EPB41L4A: variants seen among roughly 807,000 people sequenced by gnomAD.
EPB41L4A encodes the protein erythrocyte membrane protein band 4.1 like 4A.
Under a neutral mutation model 108.6 loss-of-function variants are expected in EPB41L4A, and 100 were observed. The observed-to-expected ratio is 0.92, with a 90% CI of 0.78 to 1.09. The LOEUF (loss-of-function observed/expected upper bound fraction) is 1.09. Among genes scored for constraint, EPB41L4A ranks in the 50% least tolerant of loss-of-function variants. The pLI, the probability that EPB41L4A is intolerant of heterozygous loss-of-function variation, is 0.00. For missense variants in EPB41L4A, 1,030 were observed against 842.7 expected, an observed-to-expected ratio of 1.22 and a Z score of -2.75; for synonymous variants, 319 against 289.0, an observed-to-expected ratio of 1.10 and a Z score of -1.05.
chr5:112,252,852 A>AC (rs1185359574), intron 9 of EPB41L4A, among the ~76,000 whole-genome samples: 1 of 93,952 alleles, frequency 1.1e-5, no homozygotes, highest in East Asian at 2.4e-4. Flanking sequence ...AGTTGAAAGT[A>AC]TTAAAAAAAA....
chr5:112,345,052 C>T (rs765027305), intron 1 of EPB41L4A, among the ~76,000 whole-genome samples: 1 of 152,154 alleles, frequency 6.6e-6, no homozygotes, highest in Non-Finnish European at 1.5e-5. Context: ...ATTCCTGAGA[C>T]ACAAGGCACT....
At chr5:112,193,939 G>A (rs1381466494) in intron 17 of EPB41L4A, among the ~76,000 whole-genome samples, 2 of 152,160 alleles carry the variant, frequency 1.3e-5, no homozygotes, top group Non-Finnish European at 2.9e-5. Context: ...TGACTCCCAA[G>A]GTGCTCTTTT....
At chr5:112,233,266 A>G (rs1580488320) in intron 12 of EPB41L4A, among the ~76,000 whole-genome samples, 1 of 152,242 alleles carries the variant, frequency 6.6e-6, no homozygotes, top group African/African-American at 2.4e-5. Context: ...GACAAATTAT[A>G]ATGAAAAGAA....
rs541684072 is a variant in EPB41L4A, at chr5:112,361,652, T to TA, written c.100-54163_100-54162insT. ...TGATCTTTAATTCTGTTATTGTGAT[T>TA]GAGTCCAAAGAAAAATAGTAGAAGT... On this transcript the variant is annotated intron_variant, in intron 1 of 22. Coordinates refer to ENST00000261486, the MANE Select transcript of EPB41L4A (RefSeq NM_022140.5). 9.3e-5 allele frequency among the ~76,000 whole-genome samples: 14 copies of TA among 151,050 alleles called. No individual in the cohort carries two copies. In the East Asian group the frequency reaches 2.7e-3, roughly 29 times the overall value.
intron 1 of EPB41L4A, among the ~76,000 whole-genome samples, chr5:112,394,411 T>C (rs1761183530): frequency 6.6e-6 from 1 of 152,146 alleles, no homozygotes; most frequent in Non-Finnish European, 1.5e-5. Context: ...ACAAAATCAA[T>C]GTGCAAAAAT....
chr5:112,170,971 T>C lies in EPB41L4A; in HGVS notation c.1644A>G (p.Ala548=), dbSNP rs772500136. 1 of 1,613,744 alleles carries C rather than the reference T, an allele frequency of 6.2e-7. No individual in the cohort carries two copies. The highest frequency in any genetic ancestry group is 1.3e-5 in the African/African-American group (1 of 74,930). ...RSRSRSPDIQ[A]KEELWKHIQK... The stretch of plus-strand genomic sequence containing the variant: ...GAATGTGCTTCCATAACTCTTCTTT[T>C]GCTTGGATATCGGGGCTTCTCCTAT... The change falls in exon 19 of 23, where the codon GCA becomes GCG. Residue 548 remains alanine (A), a synonymous_variant. Transcript: ENST00000261486.
At chr5:112,408,937 G>C (rs983162526) in intron 1 of EPB41L4A, among the ~76,000 whole-genome samples, 2 of 151,902 alleles carry the variant, frequency 1.3e-5, no homozygotes, top group African/African-American at 2.4e-5. Flanking sequence ...TAAACTTTAT[G>C]ACCCAGCAAT....
At position 112,170,302 on chromosome 5, in the gene EPB41L4A, C is replaced by G. The variant is rs1760499229; in HGVS notation, c.1738G>C (p.Glu580Gln). 1 of 1,613,048 alleles carries G rather than the reference C, an allele frequency of 6.2e-7. No individual in the cohort carries two copies. The highest frequency in any genetic ancestry group is 2.2e-5 in the East Asian group (1 of 44,824). Residue 580 changes from glutamate (E) to glutamine (Q), a missense_variant and splice_region_variant, in exon 20 of 23, where the codon GAG becomes CAG. By Grantham distance (29) the Glu-to-Gln change is conservative. Transcript: ENST00000261486. ...GAGAAGATTCTGAAAGGCACTCACT[C>G]TATTTTAGTGTATGGAATCTCTTTT... ...QLKEIPYTKI[E>Q]TQGDPIRIRH...
chr5:112,308,841 G>A (rs763441615), intron 1 of EPB41L4A, among the ~76,000 whole-genome samples: 22 of 152,062 alleles, frequency 1.4e-4, no homozygotes, highest in South Asian at 2.1e-4. Flanking sequence ...TGTTTTCCCC[G>A]CACCCTTGCC....
chr5:112,290,853 G>T (rs779619516), intron 2 of EPB41L4A, among the ~76,000 whole-genome samples: 1 of 152,118 alleles, frequency 6.6e-6, no homozygotes, highest in Non-Finnish European at 1.5e-5. Context: ...CAGGGTCCAG[G>T]TGCCCTGCTC....
chr5:112,258,092 C>T (rs1751236944), intron 9 of EPB41L4A, among the ~76,000 whole-genome samples: 1 of 152,206 alleles, frequency 6.6e-6, no homozygotes, highest in African/African-American at 2.4e-5. Flanking sequence ...GTTGTTAAAA[C>T]TCATTTCAAA....
chr5:112,303,376 T>A (rs148730138), intron 2 of EPB41L4A, among the ~76,000 whole-genome samples: 303 of 152,214 alleles, frequency 2.0e-3, no homozygotes, highest in African/African-American at 7.0e-3. Flanking sequence ...CATACACAGC[T>A]TAGTTTAGAT....
intron 1 of EPB41L4A, among the ~76,000 whole-genome samples, chr5:112,341,649 C>T (rs114306889): frequency 0.013 from 1,919 of 152,186 alleles, 44 homozygotes; most frequent in South Asian, 0.055. Context: ...CAGTTGCTCA[C>T]GCCCATAATT....
chr5:112,411,420 A>G (rs1028612493), intron 1 of EPB41L4A, among the ~76,000 whole-genome samples: 2 of 152,182 alleles, frequency 1.3e-5, no homozygotes, highest in Non-Finnish European at 2.9e-5. Context: ...GTGCAACCTT[A>G]GGCAGGGGTG....
chr5:112,279,064 C>CA (rs60463391), intron 3 of EPB41L4A, among the ~76,000 whole-genome samples: 28,919 of 76,550 alleles, frequency 0.38, 4,948 homozygotes, highest in East Asian at 0.5. Flanking sequence ...GATACCGTCT[C>CA]AAAAAAAAAA....
At chr5:112,298,755 C>T (rs1274125735) in intron 2 of EPB41L4A, among the ~76,000 whole-genome samples, 2 of 152,122 alleles carry the variant, frequency 1.3e-5, no homozygotes, top group Non-Finnish European at 2.9e-5. Flanking sequence ...TGGCAGAATT[C>T]AACTTGAATC....
intron 1 of EPB41L4A, among the ~76,000 whole-genome samples, chr5:112,315,973 G>A: frequency 6.6e-6 from 1 of 152,038 alleles, no homozygotes; most frequent in Non-Finnish European, 1.5e-5. Context: ...ACATATTTCT[G>A]GATTGTGAAT....
At chr5:112,154,967 A>C (rs1759599662) in intron 12 of EPB41L4A, among the ~76,000 whole-genome samples, 1 of 152,230 alleles carries the variant, frequency 6.6e-6, no homozygotes, top group African/African-American at 2.4e-5. Flanking sequence ...GGAAATGTAT[A>C]CTTTTCTAGG....
intron 12 of EPB41L4A, among the ~76,000 whole-genome samples, chr5:112,210,952 A>C (rs1762709682): frequency 6.6e-6 from 1 of 152,166 alleles, no homozygotes; most frequent in Admixed American, 6.5e-5. Flanking sequence ...ACCACCGAGA[A>C]TGTCATGAAG....
Sources: allele counts gnomAD v4.1 joint callset (sites outside exome capture counted in the v4.1 genomes callset), GRCh38; gene constraint gnomAD v4.1.1; transcripts MANE v1.5; gene names NCBI Gene and HGNC (gene_info 2026-07-23, HGNC 2026-07-21).